Variants in SDHAF4 observed in about 807,000 individuals in gnomAD.
The protein encoded by SDHAF4 is succinate dehydrogenase assembly factor 4, mitochondrial.
SDHAF4 carries 14 observed loss-of-function variants against 14.3 expected under a neutral mutation model. The ratio of observed to expected loss-of-function variants is 0.98; its 90% confidence interval spans 0.65 to 1.53. The LOEUF is 1.53. SDHAF4 is among the 40% of genes most tolerant of loss of function. The pLI, the probability that SDHAF4 is intolerant of heterozygous loss-of-function variation, is 0.00. For synonymous variants in SDHAF4, 63 were observed against 47.3 expected (o/e 1.33, Z -1.36); for missense variants, 141 against 129.3 (o/e 1.09, Z -0.44).
intron 2 of SDHAF4, among the ~76,000 whole-genome samples, chr6:70,584,107 C>T (rs1018336849): frequency 6.6e-6 from 1 of 152,070 alleles, no homozygotes; most frequent in African/African-American, 2.4e-5. Flanking sequence ...CTCACTGCAA[C>T]CTCTGCCTCG....
intron 2 of SDHAF4, among the ~76,000 whole-genome samples, chr6:70,583,123 G>GT (rs1483682695): frequency 1.3e-5 from 2 of 152,026 alleles, no homozygotes; most frequent in Non-Finnish European, 2.9e-5. Flanking sequence ...ATAATTTTTT[G>GT]TTTTTTTGAG....
intron 2 of SDHAF4, 138 bp downstream of exon 2, chr6:70,579,704 A>G (rs1285163852): frequency 1.5e-5 from 9 of 613,746 alleles, no homozygotes; most frequent in Non-Finnish European, 2.3e-5. Context: ...AATGAGTAAA[A>G]TCACCATATT....
downstream of SDHAF4, among the ~76,000 whole-genome samples, chr6:70,591,413 C>T (rs1419967860): frequency 7.2e-6 from 1 of 139,826 alleles, no homozygotes; most frequent in Non-Finnish European, 1.5e-5. Context: ...CTCACTGCAA[C>T]CTCTGACTCC....
chr6:70,568,949 C>T (rs1353346748), intron 1 of SDHAF4, among the ~76,000 whole-genome samples: 1 of 143,376 alleles, frequency 7.0e-6, no homozygotes, highest in Non-Finnish European at 1.5e-5. Flanking sequence ...TGTGAAATAC[C>T]TCTTTCTTTT....
At chr6:70,570,564 T>A (rs1012405238) in intron 1 of SDHAF4, among the ~76,000 whole-genome samples, 2 of 152,096 alleles carry the variant, frequency 1.3e-5, no homozygotes, top group Non-Finnish European at 2.9e-5. Context: ...CCTCTCAAAG[T>A]CCTGGGATTA....
downstream of SDHAF4, among the ~76,000 whole-genome samples, chr6:70,591,575 C>T (rs560255950): frequency 2.6e-4 from 40 of 152,080 alleles, no homozygotes; most frequent in South Asian, 6.5e-3. Flanking sequence ...GTGATCTGCC[C>T]GCCTCAGCCT....
intron 2 of SDHAF4, among the ~76,000 whole-genome samples, chr6:70,583,376 G>A (rs575062532): frequency 3.3e-5 from 5 of 152,218 alleles, no homozygotes; most frequent in African/African-American, 1.2e-4. Context: ...GCCTTCCAAA[G>A]TGCTGAGGTT....
chr6:70,577,172 C>T (rs1346227583), intron 1 of SDHAF4, among the ~76,000 whole-genome samples: 1 of 152,172 alleles, frequency 6.6e-6, no homozygotes, highest in Non-Finnish European at 1.5e-5. Flanking sequence ...ATTGACCCAC[C>T]CCATAATCCT....
chr6:70,571,507 G>T (rs138659082), intron 1 of SDHAF4, among the ~76,000 whole-genome samples: 3,861 of 152,232 alleles, frequency 0.025, 172 homozygotes, highest in African/African-American at 0.089. Flanking sequence ...TAGAGACAGG[G>T]TTTCACCATA....
At chr6:70,577,213 T>A (rs1218694318) in intron 1 of SDHAF4, among the ~76,000 whole-genome samples, 1 of 152,168 alleles carries the variant, frequency 6.6e-6, no homozygotes, top group African/African-American at 2.4e-5. Context: ...GGTCATCTGA[T>A]TAGCCACCTT....
At chr6:70,595,768 G>A in the SDHAF4 span, among the ~76,000 whole-genome samples, 3,228 of 150,984 alleles carry the variant, frequency 0.021, 96 homozygotes, top group East Asian at 0.075. Context: ...CCCGGGAGGC[G>A]GAGGTTGCAG....
chr6:70,567,017 C>A lies in SDHAF4; in HGVS notation c.64+13C>A. The stretch of plus-strand genomic sequence containing the variant: ...TGGAGAGCGGCAAGTAAGCACCTGG[C>A]CTCGGGGCCACGGTCGCGGGAGGGG... On this transcript the variant is annotated intron_variant, in intron 1 of 2. Coordinates refer to ENST00000370474, the MANE Select transcript of SDHAF4 (RefSeq NM_145267.3). 1.9e-6 allele frequency: 3 copies of A among 1,578,054 alleles called. No homozygotes were observed. Among genetic ancestry groups the A allele is most frequent in the East Asian group, 4.6e-5 (2 of 43,086 alleles).
intron 1 of SDHAF4, among the ~76,000 whole-genome samples, chr6:70,575,357 G>T (rs1269633973): frequency 6.6e-6 from 1 of 151,482 alleles, no homozygotes; most frequent in African/African-American, 2.4e-5. Flanking sequence ...CAGCCTGGGG[G>T]ACAGAGTGAG....
At chr6:70,579,678 T>C in intron 2 of SDHAF4, 112 bp downstream of exon 2, 1 of 822,852 alleles carries the variant, frequency 1.2e-6, no homozygotes, top group Non-Finnish European at 1.8e-6. Flanking sequence ...TCTGTAGTAA[T>C]AAAGCATATT....
downstream of SDHAF4, among the ~76,000 whole-genome samples, chr6:70,590,822 T>G (rs762934825): frequency 6.6e-6 from 1 of 152,134 alleles, no homozygotes; most frequent in African/African-American, 2.4e-5. Flanking sequence ...GTTCATGCAG[T>G]TCTAGAGGCT....
intron 2 of SDHAF4, among the ~76,000 whole-genome samples, chr6:70,580,354 T>G (rs1444032482): frequency 6.6e-6 from 1 of 152,116 alleles, no homozygotes; most frequent in Non-Finnish European, 1.5e-5. Flanking sequence ...TGTGGAGAAA[T>G]TGAAACCCTC....
chr6:70,567,281 A>G, intron 1 of SDHAF4: 1 of 491,362 alleles, frequency 2.0e-6, no homozygotes, highest in Admixed American at 3.9e-5. Flanking sequence ...CAACAGGACC[A>G]CAAACGTTCC....
rs1765232225 is a variant in SDHAF4 at position 70,588,835 on chromosome 6, G to A, written c.*111G>A. 1.4e-5 allele frequency: 5 copies of A among 369,870 alleles called. No homozygotes were observed. In the East Asian group the frequency reaches 1.8e-4, roughly 13 times the overall value. The allele number at this position is 369,870 out of a possible 1,614,324, so 22.9% of individuals were successfully genotyped here. A position where few individuals can be genotyped will look rare whatever the true frequency, so the allele number is the denominator to read the frequency against. ...CTTTATGTCGTGTAGTTTGTATAAT[G>A]TGTTTAAATATATATATATATGATG... On this transcript the variant is annotated 3_prime_UTR_variant, in exon 3 of 3. Coordinates refer to ENST00000370474, the MANE Select transcript of SDHAF4 (RefSeq NM_145267.3).
chr6:70,586,280 C>T (rs1765200144), intron 2 of SDHAF4, among the ~76,000 whole-genome samples: 2 of 152,164 alleles, frequency 1.3e-5, no homozygotes, highest in Admixed American at 1.3e-4. Flanking sequence ...AACTGGAGCT[C>T]TCAGAGGCTT....
Sources: allele counts gnomAD v4.1 joint callset (sites outside exome capture counted in the v4.1 genomes callset), GRCh38; gene constraint gnomAD v4.1.1; transcripts MANE v1.5; gene names NCBI Gene and HGNC (gene_info 2026-07-23, HGNC 2026-07-21).